LRRC7: variants seen among roughly 807,000 people sequenced by gnomAD.
LRRC7 encodes leucine rich repeat containing 7.
A neutral mutation model predicts 175.7 loss-of-function variants in LRRC7; 23 were observed. The ratio of observed to expected loss-of-function variants is 0.13; its 90% CI spans 0.09 to 0.19. The LOEUF (loss-of-function observed/expected upper bound fraction) is 0.19. Among genes scored for constraint, LRRC7 ranks in the 10% least tolerant of loss-of-function variants. LRRC7 has a pLI of 1.00. For missense variants in LRRC7, 1,354 were observed against 1,904.7 expected (o/e 0.71, Z 5.38); for synonymous variants, 685 against 680.9 (o/e 1.01, Z -0.09).
chr1:69,923,386 T>A (rs1438885648), intron 7 of LRRC7, among the ~76,000 whole-genome samples: 1 of 152,158 alleles, frequency 6.6e-6, no homozygotes, highest in Admixed American at 6.5e-5. Context: ...CCCTGAGGAA[T>A]CGCCACACTG....
At chr1:69,769,544 G>A (rs1471423991) in intron 3 of LRRC7, among the ~76,000 whole-genome samples, 4 of 152,252 alleles carry the variant, frequency 2.6e-5, no homozygotes, top group South Asian at 2.1e-4. Context: ...CAGGTTATGT[G>A]TATAAAGTGT....
At chr1:69,717,843 A>G (rs867226933) in intron 2 of LRRC7, among the ~76,000 whole-genome samples, 2 of 41,748 alleles carry the variant, frequency 4.8e-5, no homozygotes, top group Non-Finnish European at 8.8e-5. Context: ...AGAAAGAAAA[A>G]AGAAAGAAAG....
intron 1 of LRRC7, among the ~76,000 whole-genome samples, chr1:69,645,161 CT>C (rs57817104): frequency 0.32 from 48,144 of 150,090 alleles, 8,248 homozygotes; most frequent in East Asian, 0.6. Flanking sequence ...GAAGTAAAAT[CT>C]TTTTTTTTTA....
intron 3 of LRRC7, among the ~76,000 whole-genome samples, chr1:69,789,452 A>G (rs1018503949): frequency 1.3e-5 from 2 of 152,104 alleles, no homozygotes; most frequent in Admixed American, 6.5e-5. Flanking sequence ...AATTACATGT[A>G]TTTTATAATC....
At chr1:69,935,160 T>C (rs533816174) in intron 8 of LRRC7, among the ~76,000 whole-genome samples, 2 of 151,998 alleles carry the variant, frequency 1.3e-5, no homozygotes, top group African/African-American at 4.8e-5. Context: ...AGGCAGGGAG[T>C]ACAATGGTTA....
intron 26 of LRRC7, among the ~76,000 whole-genome samples, chr1:70,108,901 C>A (rs1282501128): frequency 1.3e-5 from 2 of 152,212 alleles, no homozygotes; most frequent in African/African-American, 4.8e-5. Flanking sequence ...TCAGAAAGTC[C>A]TAGAAAAGTA....
intron 1 of LRRC7, among the ~76,000 whole-genome samples, chr1:69,589,115 GGTGTGTGTGT>G (rs55678803): frequency 0.021 from 2,977 of 142,404 alleles, 35 homozygotes; most frequent in Middle Eastern, 0.045. Context: ...TCATAAAAAG[GGTGTGTGTGT>G]GTGTGTGTGT....
At chr1:69,785,769 A>G (rs1223757657) in intron 3 of LRRC7, among the ~76,000 whole-genome samples, 1 of 152,148 alleles carries the variant, frequency 6.6e-6, no homozygotes, top group Non-Finnish European at 1.5e-5. Flanking sequence ...CAAACAATGA[A>G]AAAATCTGAA....
chr1:69,825,641 C>A, intron 4 of LRRC7, 107 bp from the exon 5 acceptor site: 1 of 610,388 alleles, frequency 1.6e-6, no homozygotes, highest in Non-Finnish European at 2.7e-6. Flanking sequence ...ATGGTGTTTA[C>A]ATCATGTACT....
intron 25 of LRRC7, among the ~76,000 whole-genome samples, chr1:70,091,092 A>C (rs1269047119): frequency 6.6e-6 from 1 of 152,170 alleles, no homozygotes; most frequent in East Asian, 1.9e-4. Context: ...GCAGCTACTC[A>C]TATAAAAGGA....
chr1:69,764,601 C>G (rs1406068795), intron 3 of LRRC7, among the ~76,000 whole-genome samples: 1 of 151,912 alleles, frequency 6.6e-6, no homozygotes, highest in East Asian at 1.9e-4. Context: ...GAATTATATC[C>G]TAGCATTGGT....
chr1:69,626,365 G>T (rs1651535692), intron 1 of LRRC7, among the ~76,000 whole-genome samples: 1 of 137,376 alleles, frequency 7.3e-6, no homozygotes, highest in South Asian at 2.3e-4. Context: ...TTAACTCTCT[G>T]ATGCATTTAC....
chr1:70,004,106 A>G (rs950778759), intron 11 of LRRC7, among the ~76,000 whole-genome samples: 2 of 152,206 alleles, frequency 1.3e-5, no homozygotes, highest in African/African-American at 2.4e-5. Flanking sequence ...TATCTCTATG[A>G]TAATGATAGC....
chr1:69,911,074 G>C (rs2101702214), intron 7 of LRRC7, among the ~76,000 whole-genome samples: 1 of 152,294 alleles, frequency 6.6e-6, no homozygotes, highest in South Asian at 2.1e-4. Flanking sequence ...GGGTGGGAGT[G>C]ACCTGATTTT....
intron 8 of LRRC7, among the ~76,000 whole-genome samples, chr1:69,947,108 A>AAAAT (rs369706064): frequency 0.08 from 11,724 of 147,016 alleles, 499 homozygotes; most frequent in East Asian, 0.12. Context: ...ACTGTGTCTC[A>AAAAT]AAATAAATAA....
intron 1 of LRRC7, among the ~76,000 whole-genome samples, chr1:69,632,410 A>T (rs1003059295): frequency 2.0e-5 from 3 of 152,136 alleles, no homozygotes; most frequent in African/African-American, 7.2e-5. Flanking sequence ...GTACTCCCTT[A>T]TAGCATTTTA....
At chr1:69,710,631 A>G (rs1416205731) in intron 2 of LRRC7, among the ~76,000 whole-genome samples, 1 of 152,194 alleles carries the variant, frequency 6.6e-6, no homozygotes, top group Non-Finnish European at 1.5e-5. Context: ...TTTAATTAAA[A>G]TGTAGTAAAG....
At chr1:70,084,105 C>T (rs1011372483) in intron 24 of LRRC7, among the ~76,000 whole-genome samples, 4 of 152,076 alleles carry the variant, frequency 2.6e-5, no homozygotes, top group Middle Eastern at 6.3e-3. Context: ...GCCCCACCTT[C>T]CTCTCCTTCT....
intron 7 of LRRC7, chr1:69,873,596 T>G: frequency 2.1e-6 from 1 of 477,740 alleles, no homozygotes; most frequent in Non-Finnish European, 4.4e-6. Flanking sequence ...TCAGCACGAA[T>G]AGACTTTGTA....
Sources: allele counts gnomAD v4.1 joint callset (sites outside exome capture counted in the v4.1 genomes callset), GRCh38; gene constraint gnomAD v4.1.1; transcripts MANE v1.5; gene names NCBI Gene and HGNC (gene_info 2026-07-23, HGNC 2026-07-21).